Variants in OXR1 observed in about 807,000 individuals in gnomAD.
The protein encoded by OXR1 is oxidation resistance 1.
Under a neutral mutation model 104.6 loss-of-function variants are expected in OXR1, and 41 were observed. The ratio of observed to expected loss-of-function variants is 0.39; its 90% CI spans 0.31 to 0.51. OXR1 has a LOEUF of 0.51. OXR1 is among the 20% of genes least tolerant of loss of function. The pLI, the probability that OXR1 is intolerant of heterozygous loss-of-function variation, is 0.77. For missense variants in OXR1, 955 were observed against 1,031.9 expected (o/e 0.93, Z 1.02); for synonymous variants, 348 against 348.4 (o/e 1.00, Z 0.01).
intron 3 of OXR1, among the ~76,000 whole-genome samples, chr8:106,575,356 C>A (rs1455780077): frequency 1.3e-5 from 2 of 151,920 alleles, no homozygotes; most frequent in Non-Finnish European, 2.9e-5. Context: ...TAAACTAATT[C>A]TACTAGTTTT....
At chr8:106,398,771 A>G (rs995123895) in intron 2 of OXR1, among the ~76,000 whole-genome samples, 1 of 152,082 alleles carries the variant, frequency 6.6e-6, no homozygotes, top group Non-Finnish European at 1.5e-5. Flanking sequence ...ACCTCTGGTG[A>G]ATCAGTTAGT....
chr8:106,502,920 C>T (rs1037589370), intron 2 of OXR1, among the ~76,000 whole-genome samples: 8 of 152,132 alleles, frequency 5.3e-5, no homozygotes, highest in African/African-American at 9.7e-5. Context: ...CAAATCCACA[C>T]GAATATTAGA....
At chr8:106,414,720 C>T (rs538736982) in intron 2 of OXR1, among the ~76,000 whole-genome samples, 13 of 152,036 alleles carry the variant, frequency 8.6e-5, no homozygotes, top group Middle Eastern at 3.4e-3. Context: ...TTGATAAACA[C>T]GAAGTAGTTT....
chr8:106,631,793 G>T (rs1323404116), intron 3 of OXR1, among the ~76,000 whole-genome samples: 3 of 152,146 alleles, frequency 2.0e-5, no homozygotes. Context: ...CAGATGTTCA[G>T]TGAATTTACT....
intron 2 of OXR1, among the ~76,000 whole-genome samples, chr8:106,499,991 C>T (rs1447013932): frequency 6.6e-6 from 1 of 152,208 alleles, no homozygotes; most frequent in Non-Finnish European, 1.5e-5. Flanking sequence ...CATTTGCTTA[C>T]TGTGCCAAAA....
intron 3 of OXR1, among the ~76,000 whole-genome samples, chr8:106,545,893 GGC>G (rs1815317955): frequency 6.6e-6 from 1 of 151,934 alleles, no homozygotes; most frequent in Non-Finnish European, 1.5e-5. Flanking sequence ...CTACTCCGGA[GGC>G]TAAGGCAGGA....
intron 2 of OXR1, among the ~76,000 whole-genome samples, chr8:106,425,023 G>T (rs1364990831): frequency 6.7e-6 from 1 of 150,192 alleles, no homozygotes; most frequent in Non-Finnish European, 1.5e-5. Context: ...AGCTATGAAA[G>T]CTGAGTACTA....
intron 2 of OXR1, among the ~76,000 whole-genome samples, chr8:106,362,374 G>C (rs758118191): frequency 2.0e-4 from 31 of 152,232 alleles, no homozygotes; most frequent in Non-Finnish European, 3.5e-4. Context: ...TAAAAGCATA[G>C]GTTAGTATAG....
At chr8:106,550,540 G>A (rs181404581) in intron 3 of OXR1, among the ~76,000 whole-genome samples, 28 of 152,268 alleles carry the variant, frequency 1.8e-4, no homozygotes, top group Admixed American at 1.4e-3. Flanking sequence ...ATCCCCACAC[G>A]TTGAGGGAGG....
chr8:106,458,872 C>T (rs937426109), intron 2 of OXR1, among the ~76,000 whole-genome samples: 4 of 152,264 alleles, frequency 2.6e-5, no homozygotes, highest in African/African-American at 9.6e-5. Context: ...TACCCAATAC[C>T]TGTCCTACCA....
At chr8:106,414,873 T>G (rs560154219) in intron 2 of OXR1, among the ~76,000 whole-genome samples, 3 of 152,228 alleles carry the variant, frequency 2.0e-5, no homozygotes, top group African/African-American at 7.2e-5. Context: ...TACTGAGGGT[T>G]TTGTGTGGAG....
intron 2 of OXR1, among the ~76,000 whole-genome samples, chr8:106,428,173 G>A (rs760451006): frequency 6.6e-6 from 1 of 152,096 alleles, no homozygotes; most frequent in Non-Finnish European, 1.5e-5. Flanking sequence ...GATACCATGG[G>A]TGCCTAAGGA....
chr8:106,308,895 G>A (rs1375191254), intron 1 of OXR1, among the ~76,000 whole-genome samples: 1 of 152,110 alleles, frequency 6.6e-6, no homozygotes, highest in Non-Finnish European at 1.5e-5. Flanking sequence ...ATAGTTCTCA[G>A]CTTGACACAA....
At chr8:106,684,788 G>C (rs1216186991) in intron 6 of OXR1, among the ~76,000 whole-genome samples, 1 of 152,012 alleles carries the variant, frequency 6.6e-6, no homozygotes, top group Non-Finnish European at 1.5e-5. Flanking sequence ...TATCATCTTA[G>C]TCATCCAAGA....
At chr8:106,697,669 T>G (rs1830185779) in intron 7 of OXR1, 2 of 1,613,898 alleles carry the variant, frequency 1.2e-6, no homozygotes, top group African/African-American at 2.7e-5. Flanking sequence ...TTCCCAGAGG[T>G]CCACAGTTTG....
chr8:106,695,385 T>G (rs1829905213), intron 7 of OXR1, among the ~76,000 whole-genome samples: 1 of 151,872 alleles, frequency 6.6e-6, no homozygotes, highest in Admixed American at 6.6e-5. Context: ...CCTTATTTTA[T>G]TAAATGTTAC....
chr8:106,718,683 C>A (rs1832516147), intron 11 of OXR1, among the ~76,000 whole-genome samples: 1 of 151,488 alleles, frequency 6.6e-6, no homozygotes, highest in African/African-American at 2.4e-5. Context: ...ACTAAAAATA[C>A]AAAAAATTAG....
chr8:106,496,664 A>G (rs376942356), intron 2 of OXR1, among the ~76,000 whole-genome samples: 11 of 152,226 alleles, frequency 7.2e-5, no homozygotes, highest in Non-Finnish European at 1.3e-4. Context: ...GGTTCCAGCC[A>G]GTAACTACAA....
At chr8:106,393,521 C>T (rs1053742854) in intron 2 of OXR1, among the ~76,000 whole-genome samples, 5 of 151,904 alleles carry the variant, frequency 3.3e-5, no homozygotes, top group Non-Finnish European at 5.9e-5. Context: ...AAGAAACAGT[C>T]GATAGAAAAA....
Sources: gnomAD v4.1 joint callset for allele counts (sites outside exome capture counted in the v4.1 genomes callset) on GRCh38, gnomAD v4.1.1 for gene constraint, MANE v1.5 for transcripts, NCBI Gene and HGNC (gene_info 2026-07-23, HGNC 2026-07-21) for gene names.